TMEM260: variants seen among roughly 807,000 people sequenced by gnomAD.
The protein encoded by TMEM260 is transmembrane protein 260, also known as protein O-mannosyl-transferase TMEM260.
Under a neutral mutation model 88.9 loss-of-function variants are expected in TMEM260, and 82 were observed. That is an observed-to-expected ratio of 0.92 (90% CI 0.77 to 1.11). The LOEUF (loss-of-function observed/expected upper bound fraction) is 1.11, where lower values mean the gene tolerates loss of function less well. Ranked by LOEUF, TMEM260 falls within the 50% of genes least tolerant of loss-of-function variation. The pLI, the probability that TMEM260 is intolerant of heterozygous loss-of-function variation, is 0.00. For missense variants in TMEM260, 902 were observed against 853.4 expected, an observed-to-expected ratio of 1.06 and a Z score of -0.71; for synonymous variants, 314 against 309.3, an observed-to-expected ratio of 1.02 and a Z score of -0.16.
At chr14:56,639,257 G>A (rs1396525039) in intron 15 of TMEM260, among the ~76,000 whole-genome samples, 1 of 144,598 alleles carries the variant, frequency 6.9e-6, no homozygotes, top group Non-Finnish European at 1.5e-5. Flanking sequence ...AGCCAACCAG[G>A]GTAACTACAG....
chr14:56,594,954 A>G (rs1373658297), intron 3 of TMEM260, among the ~76,000 whole-genome samples: 25 of 152,198 alleles, frequency 1.6e-4, no homozygotes. Context: ...GTTATTCCCA[A>G]AAAGAGATTG....
At chr14:56,644,446 G>A (rs1040998668) in intron 15 of TMEM260, among the ~76,000 whole-genome samples, 1 of 152,184 alleles carries the variant, frequency 6.6e-6, no homozygotes, top group African/African-American at 2.4e-5. Flanking sequence ...AAACTGGCTA[G>A]CCATGTGTAG....
intron 10 of TMEM260, chr14:56,619,570 A>C (rs1887787804): frequency 6.6e-6 from 1 of 152,208 alleles, no homozygotes; most frequent in Admixed American, 6.5e-5. Context: ...CATTACAATA[A>C]AAATCTCAGT....
chr14:56,610,148 G>A lies in TMEM260; in HGVS notation c.816+863G>A, dbSNP rs185984269. Among the ~76,000 whole-genome samples, 888 of 152,214 alleles carry A rather than the reference G, an allele frequency of 5.8e-3. 4 individuals carry two copies. The highest frequency in any genetic ancestry group is 0.01 in the Non-Finnish European group (700 of 67,998). The stretch of plus-strand genomic sequence containing the variant: ...TTCAAGGTAGTAGTTACTACTGTGG[G>A]ATAAGGAAGAAAAAGTCTTTGAGGG... On this transcript the variant is annotated intron_variant, in intron 6 of 15. Coordinates refer to ENST00000261556, the MANE Select transcript of TMEM260 (RefSeq NM_017799.4).
chr14:56,636,323 TGGTG>T (rs1296470060), intron 14 of TMEM260, among the ~76,000 whole-genome samples, 181 bp from the exon 15 acceptor site: 2 of 152,250 alleles, frequency 1.3e-5, no homozygotes, highest in East Asian at 1.9e-4. Flanking sequence ...TGCAGCATCT[TGGTG>T]GGTGGGTGGA....
chr14:56,605,427 A>G, intron 4 of TMEM260, 143 bp from the exon 5 acceptor site: 1 of 417,180 alleles, frequency 2.4e-6, no homozygotes, highest in Non-Finnish European at 4.2e-6. Flanking sequence ...AATGATTATT[A>G]AAATAACTGC....
intron 3 of TMEM260, among the ~76,000 whole-genome samples, chr14:56,602,746 C>CAG (rs61122006): frequency 0.89 from 135,157 of 151,966 alleles, 60,277 homozygotes; most frequent in East Asian, 1. Flanking sequence ...AGAAAGAAAA[C>CAG]AAATAAATTG....
chr14:56,606,794 C>T (rs1886934444), intron 5 of TMEM260, among the ~76,000 whole-genome samples: 1 of 152,202 alleles, frequency 6.6e-6, no homozygotes, highest in South Asian at 2.1e-4. Context: ...ACTCAGGAGG[C>T]TGGGGCAGGA....
downstream of TMEM260, chr14:56,649,988 A>T (rs1006522624): frequency 2.6e-6 from 1 of 380,696 alleles, no homozygotes; most frequent in Non-Finnish European, 5.2e-6. Context: ...TCCCAGATGA[A>T]CTACTTTGGA....
chr14:56,623,276 G>A (rs1401689389), intron 11 of TMEM260, among the ~76,000 whole-genome samples: 3 of 152,304 alleles, frequency 2.0e-5, no homozygotes, highest in African/African-American at 4.8e-5. Context: ...GTTCAGGGAC[G>A]TCAGTTTCTG....
intron 15 of TMEM260, among the ~76,000 whole-genome samples, chr14:56,637,089 T>G (rs969754229): frequency 6.6e-6 from 1 of 152,222 alleles, no homozygotes; most frequent in Non-Finnish European, 1.5e-5. Context: ...AGGCCACCTC[T>G]GGAGGACGTT....
At chr14:56,593,430 A>T (rs1362513465) in intron 3 of TMEM260, 1 of 152,108 alleles carries the variant, frequency 6.6e-6, no homozygotes, top group Non-Finnish European at 1.5e-5. Context: ...ACGTGGTTTT[A>T]TTATTAACCT....
At chr14:56,590,529 G>T (rs1052934202) in intron 3 of TMEM260, among the ~76,000 whole-genome samples, 2 of 152,120 alleles carry the variant, frequency 1.3e-5, no homozygotes, top group African/African-American at 4.8e-5. Flanking sequence ...TCTCCAATTG[G>T]GAGAAAATTT....
intron 15 of TMEM260, among the ~76,000 whole-genome samples, chr14:56,636,834 C>A (rs1409372431): frequency 6.6e-6 from 1 of 152,190 alleles, no homozygotes; most frequent in Non-Finnish European, 1.5e-5. Flanking sequence ...TAGTCCTAAT[C>A]TCCACAACCT....
rs1276152306 is a variant in TMEM260 at position 56,579,897 on chromosome 14, C to G, written c.-18C>G. 38 of 1,232,412 alleles carry G rather than the reference C, an allele frequency of 3.1e-5. No individual in the cohort carries two copies. In the East Asian group the frequency reaches 1.2e-3, roughly 39 times the overall value. 76.3% of individuals were successfully genotyped at this position (1,232,412 alleles called of 1,614,324 possible). ...TCTTGGGCTGGCCGTGTCCTTCTCCCTCGGTCGCCACTGGCCCATGAGTCC... is the reference window on the plus strand; with the variant it reads ...TCTTGGGCTGGCCGTGTCCTTCTCCGTCGGTCGCCACTGGCCCATGAGTCC... On this transcript the variant is annotated 5_prime_UTR_variant, in exon 1 of 16. Coordinates refer to ENST00000261556, the MANE Select transcript of TMEM260 (RefSeq NM_017799.4).
chr14:56,646,047 G>A (rs778993414), intron 15 of TMEM260, among the ~76,000 whole-genome samples: 2 of 152,064 alleles, frequency 1.3e-5, no homozygotes, highest in South Asian at 2.1e-4. Context: ...CTCTGGCCTC[G>A]GCCTCCCAAA....
At chr14:56,609,525 G>A (rs1594842110) in intron 6 of TMEM260, among the ~76,000 whole-genome samples, 1 of 152,108 alleles carries the variant, frequency 6.6e-6, no homozygotes, top group Non-Finnish European at 1.5e-5. Flanking sequence ...TAGGATAGCA[G>A]TCATTAAAGT....
Position 56,579,982 on chromosome 14 carries a change from C to G in TMEM260, c.68C>G (p.Ser23Cys). Residue 23 changes from serine (S) to cysteine (C), a missense_variant, in exon 1 of 16, where the codon TCC becomes TGC. Physicochemically the swap from Ser to Cys is moderately radical, Grantham distance 112 (BLOSUM62 -1). Coordinates refer to ENST00000261556, the MANE Select transcript of TMEM260 (RefSeq NM_017799.4). Reference sequence around the variant, plus strand: ...GCAGTCCGAGTGGGGCTGCGGCGCTCCGGGGGCATCCGCGGCGGCGTGGCG... The same window carrying G: ...GCAGTCCGAGTGGGGCTGCGGCGCTGCGGGGGCATCCGCGGCGGCGTGGCG... Reference protein sequence around the residue: ...GRAVRVGLRRSGGIRGGVAVF... With the variant: ...GRAVRVGLRRCGGIRGGVAVF... The G allele has an allele frequency of 8.0e-7, 1 of 1,244,686 alleles. No individual in the cohort carries two copies. Among genetic ancestry groups the G allele is most frequent in the Non-Finnish European group, 1.0e-6 (1 of 989,104 alleles). The allele number at this position is 1,244,686 out of a possible 1,614,324, so 77.1% of individuals were successfully genotyped here. A position where few individuals can be genotyped will look rare whatever the true frequency, so the allele number is the denominator to read the frequency against.
chr14:56,639,967 G>A (rs1049951754), intron 15 of TMEM260, among the ~76,000 whole-genome samples: 1 of 152,208 alleles, frequency 6.6e-6, no homozygotes, highest in African/African-American at 2.4e-5. Context: ...GGCTTCAGCA[G>A]GTAAACAAAG....
Sources: allele counts gnomAD v4.1 joint callset (sites outside exome capture counted in the v4.1 genomes callset), GRCh38; gene constraint gnomAD v4.1.1; transcripts MANE v1.5; gene names NCBI Gene and HGNC (gene_info 2026-07-23, HGNC 2026-07-21).